TRAF3: variants seen among roughly 807,000 people sequenced by gnomAD.
TRAF3 encodes TNF receptor-associated factor 3.
TRAF3 carries 13 observed loss-of-function variants against 62.3 expected under a neutral mutation model. The observed-to-expected ratio is 0.21, with a 90% confidence interval of 0.14 to 0.33. The LOEUF is 0.33. Ranked by LOEUF, TRAF3 falls within the 10% of genes least tolerant of loss-of-function variation. The pLI is 1.00. For synonymous variants in TRAF3, 269 were observed against 283.4 expected, an observed-to-expected ratio of 0.95 and a Z score of 0.51; for missense variants, 440 against 741.8, an observed-to-expected ratio of 0.59 and a Z score of 4.73.
chr14:102,831,397 C>T (rs749140541), intron 2 of TRAF3, among the ~76,000 whole-genome samples: 1 of 152,180 alleles, frequency 6.6e-6, no homozygotes, highest in Non-Finnish European at 1.5e-5. Flanking sequence ...GAAACTGTGT[C>T]CCCAAGCTCA....
intron 2 of TRAF3, among the ~76,000 whole-genome samples, chr14:102,864,165 TG>T (rs1252948534): frequency 7.4e-5 from 11 of 149,422 alleles, no homozygotes; most frequent in African/African-American, 2.0e-4. Flanking sequence ...TTTTTTTTTT[TG>T]GAGACGGATT....
chr14:102,881,255 A>G (rs556785203), intron 6 of TRAF3, among the ~76,000 whole-genome samples: 2 of 151,520 alleles, frequency 1.3e-5, no homozygotes, highest in Non-Finnish European at 2.9e-5. Flanking sequence ...ATGGTAACAC[A>G]TGCCTGTAAT....
chr14:102,832,941 G>T (rs1885737010), intron 2 of TRAF3, among the ~76,000 whole-genome samples: 1 of 152,026 alleles, frequency 6.6e-6, no homozygotes, highest in South Asian at 2.1e-4. Flanking sequence ...TAAAATCTGA[G>T]AATTATAGAA....
At chr14:102,864,131 C>T (rs1051954691) in intron 2 of TRAF3, among the ~76,000 whole-genome samples, 2 of 150,482 alleles carry the variant, frequency 1.3e-5, no homozygotes, top group African/African-American at 2.4e-5. Flanking sequence ...TAGATTCTAA[C>T]GGTTTTTGCC....
rs375770247 is a variant in TRAF3, at chr14:102,864,181, C to T, written c.-17-6004C>T. ...TTTTTTTTTTGGAGACGGATTCTTG[C>T]GCTCTCACCCGGGCTGGAGTGCAGT... On this transcript the variant is annotated intron_variant, in intron 2 of 11. Transcript: ENST00000392745. 2.2e-5 allele frequency among the ~76,000 whole-genome samples: 3 copies of T among 137,708 alleles called. No homozygotes were observed. The East Asian group carries it at 6.3e-4, about 29-fold the overall frequency. The allele number at this position is 137,708 out of a possible 152,430, so 90.3% of individuals were successfully genotyped here.
In TRAF3 at chr14:102,907,802, CGTT is replaced by C. The variant is rs1446218597; in HGVS notation, c.*2022_*2024del. On this transcript the variant is annotated 3_prime_UTR_variant, in exon 12 of 12. Transcript: ENST00000392745. ...GCGCCCTTTCGCGGTCGAAGCGTTC[CGTT>C]GTTCTTATCTGCCTTTCCTTTCCCC... 1 of 152,416 alleles carries C rather than the reference CGTT, an allele frequency of 6.6e-6. No individual in the cohort carries two copies. Among genetic ancestry groups the C allele is most frequent in the Non-Finnish European group, 1.5e-5 (1 of 68,162 alleles). 9.4% of individuals were successfully genotyped at this position (152,416 alleles called of 1,614,324 possible).
intron 4 of TRAF3, 54 bp from the exon 5 acceptor site, chr14:102,875,570 C>A: frequency 1.3e-6 from 2 of 1,484,666 alleles, no homozygotes; most frequent in African/African-American, 1.4e-5. Context: ...AAAGTAGCAG[C>A]ATGTGGAGAT....
intron 7 of TRAF3, among the ~76,000 whole-genome samples, chr14:102,888,023 A>G (rs1025301189): frequency 1.3e-5 from 2 of 152,182 alleles, no homozygotes; most frequent in African/African-American, 4.8e-5. Flanking sequence ...GACTCAGAAT[A>G]CTGATAATAA....
chr14:102,819,287 C>G (rs1455976768), intron 1 of TRAF3, among the ~76,000 whole-genome samples: 1 of 152,122 alleles, frequency 6.6e-6, no homozygotes, highest in Non-Finnish European at 1.5e-5. Context: ...CCACCCTCTG[C>G]TCGGGCCCTT....
At chr14:102,861,892 G>T (rs1180683031) in intron 2 of TRAF3, among the ~76,000 whole-genome samples, 1 of 152,150 alleles carries the variant, frequency 6.6e-6, no homozygotes, top group South Asian at 2.1e-4. Context: ...TTAAAATTGG[G>T]TTGTCTTTTT....
At chr14:102,868,353 C>T (rs1288630513) in intron 2 of TRAF3, among the ~76,000 whole-genome samples, 1 of 152,180 alleles carries the variant, frequency 6.6e-6, no homozygotes, top group Non-Finnish European at 1.5e-5. Context: ...GCTCCTGAGT[C>T]TGGTTCTCAC....
intron 2 of TRAF3, among the ~76,000 whole-genome samples, chr14:102,837,030 A>G (rs1404045551): frequency 6.6e-6 from 1 of 152,052 alleles, no homozygotes; most frequent in African/African-American, 2.4e-5. Context: ...CTCCTCATCC[A>G]GATGCATTTG....
At chr14:102,842,840 A>G (rs1886459478) in intron 2 of TRAF3, among the ~76,000 whole-genome samples, 3 of 152,202 alleles carry the variant, frequency 2.0e-5, no homozygotes, top group Admixed American at 1.3e-4. Flanking sequence ...AAAGAAAAAA[A>G]CCTGTTAGAG....
intron 10 of TRAF3, among the ~76,000 whole-genome samples, chr14:102,901,241 G>A (rs1411087772): frequency 2.0e-5 from 3 of 152,176 alleles, no homozygotes; most frequent in African/African-American, 7.2e-5. Context: ...CACAATCGCG[G>A]GGAGGGGTGG....
At chr14:102,864,432 G>A (rs1189621305) in intron 2 of TRAF3, among the ~76,000 whole-genome samples, 1 of 152,152 alleles carries the variant, frequency 6.6e-6, no homozygotes, top group Non-Finnish European at 1.5e-5. Context: ...ACAGGTGTGA[G>A]CCACCGCGCC....
At chr14:102,827,524 CAG>C (rs1293902907) in intron 1 of TRAF3, among the ~76,000 whole-genome samples, 3 of 152,204 alleles carry the variant, frequency 2.0e-5, no homozygotes, top group Non-Finnish European at 2.9e-5. Flanking sequence ...GTGCATGAAA[CAG>C]AGTTTTGACT....
rs371324349 is a variant in TRAF3, at chr14:102,825,294, C to T, written c.-156-5040C>T. ...TGCCACCTCAACTGTAAACTGGAGA[C>T]AGTAGGAAGCCACCTTCACAGGCCT... On this transcript the variant is annotated intron_variant, in intron 1 of 11. Coordinates refer to ENST00000392745, the MANE Select transcript of TRAF3 (RefSeq NM_145725.3). 3.3e-5 allele frequency among the ~76,000 whole-genome samples: 5 copies of T among 152,344 alleles called. No individual in the cohort carries two copies. The East Asian group carries it at 7.7e-4, about 24-fold the overall frequency.
At chr14:102,894,519 C>T (rs1889898445) in intron 9 of TRAF3, among the ~76,000 whole-genome samples, 1 of 152,196 alleles carries the variant, frequency 6.6e-6, no homozygotes, top group Non-Finnish European at 1.5e-5. Flanking sequence ...GTTTTGCCGG[C>T]TCCTTGGAAC....
chr14:102,818,624 C>T (rs1288742472), intron 1 of TRAF3, among the ~76,000 whole-genome samples: 1 of 152,180 alleles, frequency 6.6e-6, no homozygotes, highest in Non-Finnish European at 1.5e-5. Context: ...TTCCCCATTC[C>T]CCCGCTCCCA....
Sources: allele counts gnomAD v4.1 joint callset (sites outside exome capture counted in the v4.1 genomes callset), GRCh38; gene constraint gnomAD v4.1.1; transcripts MANE v1.5; gene names NCBI Gene and HGNC (gene_info 2026-07-23, HGNC 2026-07-21).